The following CACNB2 variants were observed in gnomAD, a reference collection of about 807,000 sequenced individuals.
The protein encoded by CACNB2 is calcium voltage-gated channel auxiliary subunit beta 2, also known as voltage-dependent L-type calcium channel subunit beta-2.
CACNB2 carries 42 observed loss-of-function variants against 73.3 expected under a neutral mutation model. That is an observed-to-expected ratio of 0.57 (90% CI 0.45 to 0.74). CACNB2 has a LOEUF of 0.74. CACNB2 is among the 30% of genes least tolerant of loss of function. The pLI is 0.00. For synonymous variants in CACNB2, 348 were observed against 310.3 expected, an observed-to-expected ratio of 1.12 and a Z score of -1.28; for missense variants, 940 against 853.0, an observed-to-expected ratio of 1.10 and a Z score of -1.27.
intron 2 of CACNB2, among the ~76,000 whole-genome samples, chr10:18,211,336 CTTTA>C (rs2035308672): frequency 1.3e-5 from 2 of 152,132 alleles, no homozygotes; most frequent in South Asian, 2.1e-4. Context: ...ATTCCCCATT[CTTTA>C]TTTAATCATT....
intron 10 of CACNB2, 46 bp downstream of exon 10, chr10:18,527,743 G>A (rs201888225): frequency 1.9e-5 from 22 of 1,148,554 alleles, no homozygotes; most frequent in Non-Finnish European, 2.2e-5. Context: ...CTCCTCTCCC[G>A]ATGTTGATGA....
At chr10:18,224,259 A>G (rs1177859039) in intron 2 of CACNB2, 1 of 151,850 alleles carries the variant, frequency 6.6e-6, no homozygotes, top group East Asian at 1.9e-4. Flanking sequence ...ACTCCTTTTT[A>G]TCAGGCTTAA....
intron 3 of CACNB2, among the ~76,000 whole-genome samples, chr10:18,420,274 G>A (rs545447017): frequency 1.3e-5 from 2 of 152,076 alleles, no homozygotes; most frequent in South Asian, 4.2e-4. Flanking sequence ...ATTAGTCTGG[G>A]TTCTCCAGAT....
chr10:18,332,703 T>C (rs887226165), intron 2 of CACNB2, among the ~76,000 whole-genome samples: 4 of 152,274 alleles, frequency 2.6e-5, no homozygotes, highest in South Asian at 4.1e-4. Context: ...TAGCACTTTA[T>C]GTAACCTCCC....
chr10:18,426,383 T>C (rs1343435163), intron 3 of CACNB2, among the ~76,000 whole-genome samples: 1 of 152,258 alleles, frequency 6.6e-6, no homozygotes, highest in Non-Finnish European at 1.5e-5. Context: ...CTCTCTCAAG[T>C]TACAGTTTCT....
rs2053334354 is a variant in CACNB2, at chr10:18,534,193, C to T, written c.1172C>T (p.Pro391Leu). The T allele has an allele frequency of 6.2e-7, 1 of 1,613,570 alleles. No individual in the cohort carries two copies. Among genetic ancestry groups the T allele is most frequent in the African/African-American group, 1.3e-5 (1 of 75,030 alleles). Residue 391 changes from proline (P) to leucine (L), a missense_variant, in exon 11 of 14, where the codon CCT becomes CTT. Coordinates refer to ENST00000324631, the MANE Select transcript of CACNB2 (RefSeq NM_201596.3). ...CAACTCAGTAAAACCTCCTTGGCCC[C>T]TATTATAGTATATGTAAAGATTTCT... Reference protein sequence around the residue: ...PAQLSKTSLAPIIVYVKISSP... With the variant: ...PAQLSKTSLALIIVYVKISSP...
chr10:18,302,590 T>C (rs1038701031), intron 2 of CACNB2, among the ~76,000 whole-genome samples: 1 of 152,166 alleles, frequency 6.6e-6, no homozygotes, highest in African/African-American at 2.4e-5. Flanking sequence ...GGGAAGTAAC[T>C]CAGGGATGGG....
chr10:18,297,441 C>T (rs2039323397), intron 2 of CACNB2, among the ~76,000 whole-genome samples: 1 of 152,042 alleles, frequency 6.6e-6, no homozygotes, highest in Non-Finnish European at 1.5e-5. Flanking sequence ...GCCTGTAGTT[C>T]CAGCTACTCA....
chr10:18,452,190 G>A lies in CACNB2; in HGVS notation c.334-46165G>A, dbSNP rs145750303. Among the ~76,000 whole-genome samples the A allele has an allele frequency of 1.6e-3, 239 of 152,286 alleles. 1 individual carries two copies. The highest frequency in any genetic ancestry group is 5.2e-3 in the African/African-American group (216 of 41,540). On this transcript the variant is annotated intron_variant, in intron 3 of 13. Coordinates refer to ENST00000324631, the MANE Select transcript of CACNB2 (RefSeq NM_201596.3). ...TTTAATCCCAACACTTTGGGAGACT[G>A]AGCAGGAGGATTGCTTGATGACAGA...
intron 2 of CACNB2, among the ~76,000 whole-genome samples, chr10:18,213,780 C>T (rs1470070753): frequency 1.3e-5 from 2 of 152,148 alleles, no homozygotes; most frequent in African/African-American, 4.8e-5. Flanking sequence ...CTAGAAGAGC[C>T]ATCTCTGGAG....
chr10:18,437,923 C>T (rs2046217241), intron 3 of CACNB2, among the ~76,000 whole-genome samples: 1 of 148,498 alleles, frequency 6.7e-6, no homozygotes, highest in Non-Finnish European at 1.5e-5. Flanking sequence ...TGATTGGAAA[C>T]TTATTATAAT....
chr10:18,165,113 A>T (rs2183719), intron 2 of CACNB2, among the ~76,000 whole-genome samples: 73,700 of 151,946 alleles, frequency 0.49, 18,272 homozygotes, highest in African/African-American at 0.58. Context: ...TGGTGGGTAC[A>T]CGGGGAGGCG....
chr10:18,252,547 T>G (rs2037131198), intron 2 of CACNB2, among the ~76,000 whole-genome samples: 1 of 152,236 alleles, frequency 6.6e-6, no homozygotes, highest in South Asian at 2.1e-4. Flanking sequence ...TTTTTTCTTT[T>G]AATCCCTCTT....
At chr10:18,423,724 T>G (rs940556738) in intron 3 of CACNB2, among the ~76,000 whole-genome samples, 1 of 152,256 alleles carries the variant, frequency 6.6e-6, no homozygotes, top group East Asian at 1.9e-4. Flanking sequence ...GCATAAGACA[T>G]ACAAATGTCT....
intron 2 of CACNB2, among the ~76,000 whole-genome samples, chr10:18,178,558 A>G (rs58704670): frequency 0.015 from 2,255 of 152,116 alleles, 54 homozygotes; most frequent in African/African-American, 0.049. Flanking sequence ...TTTTTAGCTT[A>G]GAGAAAGGTC....
At chr10:18,289,292 G>GTTTTTTTTTTTT (rs1218890630) in intron 2 of CACNB2, among the ~76,000 whole-genome samples, 1 of 55,612 alleles carries the variant, frequency 1.8e-5, no homozygotes, top group Non-Finnish European at 3.5e-5. Flanking sequence ...TTGTTTTTTT[G>GTTTTTTTTTTTT]TTTTGTTTTT....
intron 2 of CACNB2, among the ~76,000 whole-genome samples, chr10:18,187,691 T>C (rs1207344507): frequency 6.6e-6 from 1 of 152,218 alleles, no homozygotes; most frequent in African/African-American, 2.4e-5. Flanking sequence ...CTTTTTAATC[T>C]AATAAAATGA....
chr10:18,308,532 C>G (rs1380593394), intron 2 of CACNB2, among the ~76,000 whole-genome samples: 6 of 152,162 alleles, frequency 3.9e-5, no homozygotes, highest in Admixed American at 2.6e-4. Context: ...ATTTTCTATT[C>G]TTCACATTTC....
intron 2 of CACNB2, among the ~76,000 whole-genome samples, chr10:18,354,978 A>C (rs1028696473): frequency 6.7e-6 from 1 of 149,536 alleles, no homozygotes; most frequent in African/African-American, 2.6e-5. Context: ...TTCAACGTAC[A>C]CAAACTTTGT....
Sources: gnomAD v4.1 joint callset for allele counts (sites outside exome capture counted in the v4.1 genomes callset) on GRCh38, gnomAD v4.1.1 for gene constraint, MANE v1.5 for transcripts, NCBI Gene and HGNC (gene_info 2026-07-23, HGNC 2026-07-21) for gene names.